The following CPLANE1 variants were observed in gnomAD, a reference collection of about 807,000 sequenced individuals.
CPLANE1 encodes ciliogenesis and planar polarity effector 1.
CPLANE1 carries 263 observed loss-of-function variants against 362.5 expected under a neutral mutation model. That is an observed-to-expected ratio of 0.73 (90% CI 0.66 to 0.80). The LOEUF (loss-of-function observed/expected upper bound fraction) is 0.80, where lower values mean the gene tolerates loss of function less well. Among genes scored for constraint, CPLANE1 ranks in the 30% least tolerant of loss-of-function variants. The pLI, the probability that CPLANE1 is intolerant of heterozygous loss-of-function variation, is 0.00. For synonymous variants in CPLANE1, 1,212 were observed against 1,302.6 expected, an observed-to-expected ratio of 0.93 and a Z score of 1.50; for missense variants, 3,461 against 3,793.4, an observed-to-expected ratio of 0.91 and a Z score of 2.30.
At chr5:37,158,124 T>C (rs760552675) in intron 39 of CPLANE1, 100 bp downstream of exon 39, 295 of 1,344,212 alleles carry the variant, frequency 2.2e-4, no homozygotes, top group Non-Finnish European at 2.9e-4. Context: ...ATAGATGAGA[T>C]TTTTAACCTC....
the CPLANE1 span, among the ~76,000 whole-genome samples, chr5:37,088,224 AC>A: frequency 6.6e-6 from 1 of 152,228 alleles, no homozygotes; most frequent in South Asian, 2.1e-4. Flanking sequence ...TACTAGTCAC[AC>A]CCAAGCTGCT....
rs929702089 is a variant in CPLANE1, at chr5:37,107,122, C to T, written c.*480G>A. On this transcript the variant is annotated 3_prime_UTR_variant, in exon 53 of 53. Coordinates refer to ENST00000651892, the MANE Select transcript of CPLANE1 (RefSeq NM_001384732.1). ...AAAAGGTAGTTGGTTTTTCTTTTCA[C>T]TCCTAGGCTAAACCCTGCATAGGTG... 6.1e-6 allele frequency: 6 copies of T among 985,370 alleles called. No homozygotes were observed. Among genetic ancestry groups the T allele is most frequent in the Non-Finnish European group, 7.2e-6 (6 of 829,968 alleles). 61.0% of individuals were successfully genotyped at this position (985,370 alleles called of 1,614,324 possible).
At chr5:37,088,587 C>T in the CPLANE1 span, among the ~76,000 whole-genome samples, 1 of 152,102 alleles carries the variant, frequency 6.6e-6, no homozygotes, top group African/African-American at 2.4e-5. Flanking sequence ...AAACGCCAAC[C>T]CCATAAAAAA....
chr5:37,198,645 A>G, intron 20 of CPLANE1, 57 bp downstream of exon 20: 1 of 1,478,314 alleles, frequency 6.8e-7, no homozygotes, highest in South Asian at 1.3e-5. Context: ...AAACAATAAT[A>G]TAAATATGAG....
chr5:37,173,513 C>T (rs908541951), intron 32 of CPLANE1, among the ~76,000 whole-genome samples: 1 of 151,984 alleles, frequency 6.6e-6, no homozygotes, highest in Non-Finnish European at 1.5e-5. Context: ...CTATGTTGCC[C>T]AAGCTGGTTT....
Position 37,227,654 on chromosome 5 carries a change from G to T in CPLANE1, c.1285C>A (p.Leu429Ile), listed in dbSNP as rs1796742971. 1.3e-6 allele frequency: 2 copies of T among 1,551,414 alleles called. No homozygotes were observed. The highest frequency in any genetic ancestry group is 1.4e-5 in the African/African-American group (1 of 73,104). The change falls in exon 10 of 53, where the codon CTA becomes ATA. Residue 429 changes from leucine (L) to isoleucine (I), a missense_variant. Around this residue, in one of 2 missense-constraint regions of CPLANE1, gnomAD observed 3,380 missense variants for 3,666.1 expected, o/e 0.92. Coordinates refer to ENST00000651892, the MANE Select transcript of CPLANE1 (RefSeq NM_001384732.1). Reference protein sequence around the residue: ...MVTTLRFLDSLSPSVHMRSLL... With the variant: ...MVTTLRFLDSISPSVHMRSLL... ...GATCTCATGTGTACTGATGGAGATA[G>T]GCTATCAAGAAATCGAAGGGTTGTG...
At chr5:37,172,940 C>T (rs1317186710) in intron 32 of CPLANE1, among the ~76,000 whole-genome samples, 1 of 152,080 alleles carries the variant, frequency 6.6e-6, no homozygotes, top group East Asian at 1.9e-4. Flanking sequence ...GCCGAGATCG[C>T]GCCACTGCAC....
At position 37,213,576 on chromosome 5, in the gene CPLANE1, G is replaced by T. The variant is rs757827060; in HGVS notation, c.2903C>A (p.Pro968Gln). The T allele has an allele frequency of 6.5e-7, 1 of 1,542,878 alleles. No individual in the cohort carries two copies. Among genetic ancestry groups the T allele is most frequent in the Middle Eastern group, 1.7e-4 (1 of 5,972 alleles). Residue 968 changes from proline (P) to glutamine (Q), a missense_variant, in exon 16 of 53, where the codon CCA becomes CAA. Around this residue, in one of 2 missense-constraint regions of CPLANE1, gnomAD observed 3,380 missense variants for 3,666.1 expected, o/e 0.92. Transcript: ENST00000651892. ...TACATTACCTGTTTTAATATGAAGT[G>T]GGGGAAGAACATTCACATGATGAGG... is the stretch of plus-strand genomic sequence containing the variant. ...LPPHHVNVLP[P>Q]LHIKTEQSFR...
At chr5:37,148,155 G>A (rs368008455) in intron 43 of CPLANE1, 26 bp downstream of exon 43, 2 of 1,567,054 alleles carry the variant, frequency 1.3e-6, no homozygotes, top group Non-Finnish European at 8.8e-7. Flanking sequence ...CAAGACTTCA[G>A]CCAGCCCCTA....
In CPLANE1 at chr5:37,139,366, C is replaced by T; in HGVS notation, c.8637G>A (p.Met2879Ile). ...SSDQNTTSPG[M>I]NSSDELCESV... ...TCTCACACAATTCATCACTGCTATT[C>T]ATACCTAAAAAAAAAATCATTATTA... Residue 2879 changes from methionine (M) to isoleucine (I), a missense_variant, in exon 45 of 53, where the codon ATG becomes ATA. Coordinates refer to ENST00000651892, the MANE Select transcript of CPLANE1 (RefSeq NM_001384732.1). The T allele has an allele frequency of 8.3e-7, 1 of 1,199,038 alleles. No individual in the cohort carries two copies. Among genetic ancestry groups the T allele is most frequent in the Non-Finnish European group, 1.2e-6 (1 of 864,944 alleles). The allele number at this position is 1,199,038 out of a possible 1,614,324, so 74.3% of individuals were successfully genotyped here.
intron 26 of CPLANE1, among the ~76,000 whole-genome samples, chr5:37,181,792 G>C (rs985667184): frequency 1.3e-5 from 2 of 152,036 alleles, no homozygotes; most frequent in South Asian, 4.2e-4. Flanking sequence ...TCCAGCCTGG[G>C]TGATAAAGCA....
At chr5:37,085,169 G>A in the CPLANE1 span, 4 of 797,238 alleles carry the variant, frequency 5.0e-6, no homozygotes, top group African/African-American at 6.8e-5. Context: ...CTCACAAGTT[G>A]AGAGAGTGTC....
intron 46 of CPLANE1, among the ~76,000 whole-genome samples, chr5:37,134,232 T>C (rs1054995412): frequency 6.6e-6 from 1 of 152,208 alleles, no homozygotes; most frequent in African/African-American, 2.4e-5. Context: ...TCTTCTTTTA[T>C]GTCTGGCAGA....
At chr5:37,085,227 G>A in the CPLANE1 span, 1 of 845,122 alleles carries the variant, frequency 1.2e-6, no homozygotes, top group Non-Finnish European at 2.1e-6. Context: ...TGCCCTGACA[G>A]GAGATGAAGT....
At chr5:37,170,991 A>G (rs1422373808) in intron 32 of CPLANE1, among the ~76,000 whole-genome samples, 1 of 152,204 alleles carries the variant, frequency 6.6e-6, no homozygotes, top group African/African-American at 2.4e-5. Flanking sequence ...GTTTTCAGCA[A>G]TGAGCAGAAA....
At chr5:37,225,474 C>T (rs556185467) in intron 12 of CPLANE1, among the ~76,000 whole-genome samples, 1 of 152,092 alleles carries the variant, frequency 6.6e-6, no homozygotes, top group African/African-American at 2.4e-5. Context: ...TCAAGTGATC[C>T]ACCCACCTCA....
rs573190827 is a variant in CPLANE1, at chr5:37,107,580, G to A, written c.*22C>T. On this transcript the variant is annotated 3_prime_UTR_variant, in exon 53 of 53. Transcript: ENST00000651892. ...TTACTGAGGTGCTGGCCTGTGCATGGAAACCCAATGATATCCAGGTCTTAC... is the reference window on the plus strand; with the variant it reads ...TTACTGAGGTGCTGGCCTGTGCATGAAAACCCAATGATATCCAGGTCTTAC... 612 of 1,589,826 alleles carry A rather than the reference G, an allele frequency of 3.8e-4. 8 individuals are homozygous for A. The South Asian group carries it at 6.5e-3, about 17-fold the overall frequency.
At chr5:37,244,317 A>G in intron 5 of CPLANE1, 58 bp downstream of exon 5, 1 of 1,106,786 alleles carries the variant, frequency 9.0e-7, no homozygotes, top group Non-Finnish European at 1.3e-6. Context: ...ATATATAGTT[A>G]TACCATTACA....
chr5:37,128,922 T>G (rs995911382), intron 46 of CPLANE1, among the ~76,000 whole-genome samples: 4 of 151,272 alleles, frequency 2.6e-5, no homozygotes, highest in African/African-American at 9.7e-5. Context: ...AAAATTCATA[T>G]GGAACCAAAA....
Sources: allele counts gnomAD v4.1 joint callset (sites outside exome capture counted in the v4.1 genomes callset), GRCh38; gene constraint gnomAD v4.1.1; regional missense constraint gnomAD v4.1.1; transcripts MANE v1.5; gene names NCBI Gene and HGNC (gene_info 2026-07-23, HGNC 2026-07-21).